SGCG: variants seen among roughly 807,000 people sequenced by gnomAD.
The protein encoded by SGCG is gamma-sarcoglycan.
A neutral mutation model predicts 29.3 loss-of-function variants in SGCG; 26 were observed. The observed-to-expected ratio is 0.89, with a 90% CI of 0.65 to 1.23. The LOEUF is 1.23. Among genes scored for constraint, SGCG ranks in the 50% most tolerant of loss-of-function variants. SGCG has a pLI of 0.00. For synonymous variants in SGCG, 145 were observed against 129.7 expected (o/e 1.12, Z -0.80); for missense variants, 353 against 356.0 (o/e 0.99, Z 0.07).
At chr13:23,228,830 A>G (rs1340652322) in intron 2 of SGCG, among the ~76,000 whole-genome samples, 2 of 152,096 alleles carry the variant, frequency 1.3e-5, no homozygotes, top group Non-Finnish European at 2.9e-5. Flanking sequence ...ATAGTATTCC[A>G]TAGTGTATAT....
At chr13:23,170,887 G>C in the SGCG span, among the ~76,000 whole-genome samples, 2 of 152,212 alleles carry the variant, frequency 1.3e-5, no homozygotes, top group Non-Finnish European at 2.9e-5. Flanking sequence ...GTGCCCCTGT[G>C]TGTGGTCAAG....
intron 6 of SGCG, among the ~76,000 whole-genome samples, chr13:23,300,174 A>G (rs1882098008): frequency 6.6e-6 from 1 of 152,232 alleles, no homozygotes; most frequent in African/African-American, 2.4e-5. Context: ...AGGAAGATAC[A>G]CATATACTAC....
At chr13:23,207,053 C>T (rs1188207417) in intron 2 of SGCG, among the ~76,000 whole-genome samples, 2 of 152,188 alleles carry the variant, frequency 1.3e-5, no homozygotes, top group African/African-American at 4.8e-5. Context: ...CGTCATGCTT[C>T]CTGATTTTGA....
At chr13:23,189,981 T>A (rs189525982) in intron 1 of SGCG, among the ~76,000 whole-genome samples, 170 of 152,324 alleles carry the variant, frequency 1.1e-3, no homozygotes, top group Non-Finnish European at 1.8e-3. Flanking sequence ...CCCTTTAGTC[T>A]CAACATAGAC....
chr13:23,204,040 A>G lies in SGCG; in HGVS notation c.195+151A>G, dbSNP rs183517780. 1.1e-3 allele frequency: 715 copies of G among 668,002 alleles called. 13 individuals carry two copies. The African/African-American group carries it at 0.012, about 11-fold the overall frequency. 41.4% of individuals were successfully genotyped at this position (668,002 alleles called of 1,614,324 possible). ...TTCAGGAGCAAAATATGTATGTAGCATTTACGTTTTTCCCTTTTCCTTAAA... is the reference window on the plus strand; with the variant it reads ...TTCAGGAGCAAAATATGTATGTAGCGTTTACGTTTTTCCCTTTTCCTTAAA... On this transcript the variant is annotated intron_variant, in intron 2 of 7. Transcript: ENST00000218867.
chr13:23,283,098 C>T (rs903284604), intron 5 of SGCG, among the ~76,000 whole-genome samples: 60 of 152,130 alleles, frequency 3.9e-4, no homozygotes, highest in Non-Finnish European at 6.8e-4. Flanking sequence ...ATTCTGTTGA[C>T]TTGGGGTGGA....
intron 6 of SGCG, among the ~76,000 whole-genome samples, chr13:23,308,317 T>C (rs531110990): frequency 6.6e-6 from 1 of 152,320 alleles, no homozygotes; most frequent in African/African-American, 2.4e-5. Flanking sequence ...AATTTTCTTT[T>C]GCTTTCTGAG....
intron 3 of SGCG, among the ~76,000 whole-genome samples, chr13:23,237,196 T>C (rs537981409): frequency 1.8e-4 from 28 of 152,354 alleles, no homozygotes; most frequent in African/African-American, 6.7e-4. Flanking sequence ...TGAGGGCCTG[T>C]ATTGAATTCA....
At chr13:23,313,773 A>G (rs1882692034) in intron 6 of SGCG, among the ~76,000 whole-genome samples, 1 of 152,220 alleles carries the variant, frequency 6.6e-6, no homozygotes, top group African/African-American at 2.4e-5. Flanking sequence ...TGAAGGATTC[A>G]AAGTATTGAT....
intron 6 of SGCG, among the ~76,000 whole-genome samples, chr13:23,312,590 T>C (rs1882642911): frequency 6.6e-6 from 1 of 152,166 alleles, no homozygotes; most frequent in Non-Finnish European, 1.5e-5. Context: ...TGTGGAATGA[T>C]AGCCGTAGCA....
intron 2 of SGCG, among the ~76,000 whole-genome samples, chr13:23,212,158 A>G (rs903899589): frequency 2.6e-5 from 4 of 152,126 alleles, no homozygotes; most frequent in African/African-American, 9.7e-5. Context: ...AGCAGAAACC[A>G]CTATGCTTCC....
At chr13:23,320,552 T>C (rs368300896) in intron 6 of SGCG, 85 bp from the exon 7 acceptor site, 1 of 1,165,212 alleles carries the variant, frequency 8.6e-7, no homozygotes. Context: ...CTAGTTATAT[T>C]TCCCATGCTA....
chr13:23,173,062 G>A, the SGCG span, among the ~76,000 whole-genome samples: 1 of 152,158 alleles, frequency 6.6e-6, no homozygotes, highest in Non-Finnish European at 1.5e-5. Context: ...AAAAGAATGA[G>A]GCCAGTGAAG....
the SGCG span, among the ~76,000 whole-genome samples, chr13:23,168,975 C>T: frequency 6.6e-6 from 1 of 151,874 alleles, no homozygotes; most frequent in Non-Finnish European, 1.5e-5. Flanking sequence ...TTATAATCAT[C>T]ATTCTTAGAT....
In SGCG at chr13:23,299,591, G is replaced by A. The variant is rs9552917; in HGVS notation, c.578+4104G>A. Among the ~76,000 whole-genome samples the A allele has an allele frequency of 8.8e-4, 130 of 148,262 alleles. 1 individual carries two copies. The highest frequency in any genetic ancestry group is 8.2e-3 in the South Asian group (38 of 4,640). On this transcript the variant is annotated intron_variant, in intron 6 of 7. Coordinates refer to ENST00000218867, the MANE Select transcript of SGCG (RefSeq NM_000231.3). ...CCTCAGCCTCCTGAGTAGCTGAGATGACAGGTGCCTGCCACCATGCCTGGC... is the reference window on the plus strand; with the variant it reads ...CCTCAGCCTCCTGAGTAGCTGAGATAACAGGTGCCTGCCACCATGCCTGGC...
chr13:23,275,635 A>C (rs1881043664), intron 4 of SGCG, among the ~76,000 whole-genome samples: 1 of 152,222 alleles, frequency 6.6e-6, no homozygotes, highest in African/African-American at 2.4e-5. Context: ...TTGTCTGCTC[A>C]GGAAATTCTC....
intron 5 of SGCG, among the ~76,000 whole-genome samples, chr13:23,283,361 C>T (rs1313616387): frequency 6.6e-6 from 1 of 152,160 alleles, no homozygotes; most frequent in African/African-American, 2.4e-5. Flanking sequence ...GATTCCTTTA[C>T]CATTATGTAA....
intron 6 of SGCG, among the ~76,000 whole-genome samples, chr13:23,304,542 G>A (rs1164221155): frequency 6.6e-6 from 1 of 151,690 alleles, no homozygotes; most frequent in Non-Finnish European, 1.5e-5. Flanking sequence ...TAATTCTATT[G>A]CACCGGTCTC....
At chr13:23,321,335 G>T (rs1312168900) in intron 7 of SGCG, among the ~76,000 whole-genome samples, 1 of 152,126 alleles carries the variant, frequency 6.6e-6, no homozygotes, top group African/African-American at 2.4e-5. Flanking sequence ...TAAAACCACA[G>T]AGAGTACAGA....
Sources: allele counts gnomAD v4.1 joint callset (sites outside exome capture counted in the v4.1 genomes callset), GRCh38; gene constraint gnomAD v4.1.1; transcripts MANE v1.5; gene names NCBI Gene and HGNC (gene_info 2026-07-23, HGNC 2026-07-21).